Variants in SMYD3 observed in about 807,000 individuals in gnomAD.
SMYD3 encodes histone-lysine N-methyltransferase SMYD3.
A neutral mutation model predicts 57.7 loss-of-function variants in SMYD3; 36 were observed. The observed-to-expected ratio is 0.62, with a 90% CI of 0.48 to 0.82. SMYD3 has a LOEUF of 0.82. Ranked by LOEUF, SMYD3 falls within the 40% of genes least tolerant of loss-of-function variation. SMYD3 has a pLI of 0.00. For missense variants in SMYD3, 515 were observed against 538.8 expected, an observed-to-expected ratio of 0.96 and a Z score of 0.44; for synonymous variants, 211 against 195.0, an observed-to-expected ratio of 1.08 and a Z score of -0.68.
intron 5 of SMYD3, among the ~76,000 whole-genome samples, chr1:246,276,065 G>C (rs1484937485): frequency 8.8e-6 from 1 of 113,090 alleles, no homozygotes; most frequent in Non-Finnish European, 1.9e-5. Flanking sequence ...TTTAATGTCT[G>C]TAGTGGAGTC....
chr1:246,134,809 C>G (rs966042114), intron 5 of SMYD3, among the ~76,000 whole-genome samples: 6 of 151,602 alleles, frequency 4.0e-5, no homozygotes, highest in Admixed American at 6.6e-5. Flanking sequence ...CCCCCCCCTG[C>G]CGCTTTTAAT....
chr1:246,437,512 T>C (rs1308293726), intron 1 of SMYD3, among the ~76,000 whole-genome samples: 1 of 152,214 alleles, frequency 6.6e-6, no homozygotes, highest in African/African-American at 2.4e-5. Context: ...AGCAATCTGA[T>C]GGGTTAAAAA....
At chr1:246,285,013 T>C (rs1490360461) in intron 5 of SMYD3, among the ~76,000 whole-genome samples, 1 of 152,002 alleles carries the variant, frequency 6.6e-6, no homozygotes, top group Non-Finnish European at 1.5e-5. Context: ...GGTATTTGGT[T>C]ACATGAGTAA....
chr1:246,330,330 C>T, intron 4 of SMYD3, 150 bp downstream of exon 4: 1 of 543,782 alleles, frequency 1.8e-6, no homozygotes, highest in East Asian at 3.3e-5. Flanking sequence ...TGAAATAAAC[C>T]AGTGTGACAG....
chr1:246,497,027 T>G (rs183441723), intron 1 of SMYD3, among the ~76,000 whole-genome samples: 103 of 152,316 alleles, frequency 6.8e-4, no homozygotes, highest in African/African-American at 2.4e-3. Flanking sequence ...GAATGAGATA[T>G]AAAACACAAG....
chr1:246,438,441 A>C (rs1249517929), intron 1 of SMYD3, among the ~76,000 whole-genome samples: 1 of 152,082 alleles, frequency 6.6e-6, no homozygotes, highest in East Asian at 1.9e-4. Flanking sequence ...ACACTGAAAA[A>C]CGAAGTCAAC....
At chr1:246,233,095 A>C (rs1311898778) in intron 5 of SMYD3, among the ~76,000 whole-genome samples, 1 of 131,774 alleles carries the variant, frequency 7.6e-6, no homozygotes, top group Admixed American at 7.7e-5. Context: ...ACAGAGGAGA[A>C]GCACTCCTTC....
At chr1:246,151,475 C>A (rs1478603851) in intron 5 of SMYD3, among the ~76,000 whole-genome samples, 2 of 151,984 alleles carry the variant, frequency 1.3e-5, no homozygotes, top group African/African-American at 4.8e-5. Flanking sequence ...ATTTCTTTGA[C>A]CTTCAGTTTT....
At chr1:246,083,510 G>GGCGCAGGTCCTCCGTATGCTGA (rs1553283931) in intron 5 of SMYD3, among the ~76,000 whole-genome samples, 1 of 142,016 alleles carries the variant, frequency 7.0e-6, no homozygotes, top group East Asian at 2.0e-4. Context: ...GGCTGGTGCC[G>GGCGCAGGTCCTCCGTATGCTGA]GCGCGGGTCC....
intron 10 of SMYD3, among the ~76,000 whole-genome samples, chr1:245,810,202 T>C (rs1163889910): frequency 6.6e-6 from 1 of 152,032 alleles, no homozygotes; most frequent in Non-Finnish European, 1.5e-5. Flanking sequence ...AAACATCACC[T>C]CTCTTGCTAG....
At chr1:245,874,049 G>T (rs2052362353) in intron 8 of SMYD3, among the ~76,000 whole-genome samples, 1 of 152,218 alleles carries the variant, frequency 6.6e-6, no homozygotes, top group Non-Finnish European at 1.5e-5. Flanking sequence ...TGATAGGAAG[G>T]TTGCTGGGGT....
chr1:246,157,822 G>A (rs1428877802), intron 5 of SMYD3, among the ~76,000 whole-genome samples: 2 of 152,156 alleles, frequency 1.3e-5, no homozygotes, highest in East Asian at 1.9e-4. Context: ...CCACAGAATC[G>A]CAAGCTTCTG....
At chr1:246,177,199 T>C (rs931252778) in intron 5 of SMYD3, among the ~76,000 whole-genome samples, 3 of 152,232 alleles carry the variant, frequency 2.0e-5, no homozygotes, top group African/African-American at 7.2e-5. Context: ...TTCTCTTCAG[T>C]AGAAACATGT....
At position 246,158,564 on chromosome 1, in the gene SMYD3, ACT is replaced by A. The variant is rs572705297; in HGVS notation, c.531+168635_531+168636del. Among the ~76,000 whole-genome samples the A allele has an allele frequency of 5.3e-5, 8 of 152,244 alleles. No homozygotes were observed. The South Asian group carries it at 1.2e-3, about 24-fold the overall frequency. The stretch of plus-strand genomic sequence containing the variant: ...GAGTAAAGCATACCTTTTTATATTT[ACT>A]CTTTTTTATAAAACTATTGATTGAA... On this transcript the variant is annotated intron_variant, in intron 5 of 11. Coordinates refer to ENST00000490107, the MANE Select transcript of SMYD3 (RefSeq NM_001167740.2).
At chr1:245,940,279 G>A (rs2057178909) in intron 5 of SMYD3, among the ~76,000 whole-genome samples, 1 of 152,138 alleles carries the variant, frequency 6.6e-6, no homozygotes, top group Non-Finnish European at 1.5e-5. Context: ...TCTGCCAAGG[G>A]GCAGCCACAC....
At chr1:246,428,441 T>C (rs1420985931) in intron 1 of SMYD3, among the ~76,000 whole-genome samples, 1 of 152,220 alleles carries the variant, frequency 6.6e-6, no homozygotes, top group Non-Finnish European at 1.5e-5. Flanking sequence ...GAAATAATAA[T>C]GACAACAGTA....
chr1:246,069,883 G>T (rs1004202890), intron 5 of SMYD3, among the ~76,000 whole-genome samples: 6 of 152,286 alleles, frequency 3.9e-5, no homozygotes, highest in Non-Finnish European at 7.4e-5. Context: ...CTATTGGACT[G>T]CCCCAGATAC....
intron 5 of SMYD3, among the ~76,000 whole-genome samples, chr1:246,239,397 T>G (rs2063565493): frequency 6.6e-6 from 1 of 152,152 alleles, no homozygotes; most frequent in Non-Finnish European, 1.5e-5. Context: ...GGTTTCCAGC[T>G]TCATCCATGT....
chr1:246,284,410 TTTTC>T (rs1478153193), intron 5 of SMYD3, among the ~76,000 whole-genome samples: 2 of 135,168 alleles, frequency 1.5e-5, no homozygotes, highest in East Asian at 2.8e-4. Context: ...TTTCTAATTC[TTTTC>T]TTTTTCTTTT....
Sources: allele counts gnomAD v4.1 joint callset (sites outside exome capture counted in the v4.1 genomes callset), GRCh38; gene constraint gnomAD v4.1.1; transcripts MANE v1.5; gene names NCBI Gene and HGNC (gene_info 2026-07-23, HGNC 2026-07-21).